CFDP1: variants seen among roughly 807,000 people sequenced by gnomAD.
CFDP1 encodes the protein chromatin remodeling protein CFDP1, also known as heterochromatin-stabilizing protein CFDP1.
In CFDP1, 31 loss-of-function variants were observed where a neutral mutation model predicts 40.1. The observed-to-expected ratio is 0.77, with a 90% CI of 0.58 to 1.04. The LOEUF is 1.04. Ranked by LOEUF, CFDP1 falls within the 50% of genes least tolerant of loss-of-function variation. The pLI is 0.00. For missense variants in CFDP1, 423 were observed against 343.4 expected (o/e 1.23, Z -1.83); for synonymous variants, 167 against 120.0 (o/e 1.39, Z -2.56).
intron 5 of CFDP1, among the ~76,000 whole-genome samples, chr16:75,373,775 G>A (rs539548661): frequency 2.8e-4 from 42 of 152,228 alleles, no homozygotes; most frequent in Non-Finnish European, 4.9e-4. Flanking sequence ...CTTTACAAGG[G>A]AAGCCTTGAC....
intron 5 of CFDP1, among the ~76,000 whole-genome samples, chr16:75,328,928 C>T (rs1597334729): frequency 1.3e-5 from 2 of 151,048 alleles, no homozygotes; most frequent in East Asian, 3.9e-4. Flanking sequence ...CTCACTGGAA[C>T]CTCCACCTCC....
At chr16:75,391,332 C>T (rs2078948576) in intron 5 of CFDP1, 1 of 152,148 alleles carries the variant, frequency 6.6e-6, no homozygotes. Flanking sequence ...AACTTCATAG[C>T]AATACTTTCA....
At chr16:75,361,258 G>A (rs576710677) in intron 5 of CFDP1, among the ~76,000 whole-genome samples, 2 of 152,196 alleles carry the variant, frequency 1.3e-5, no homozygotes, top group African/African-American at 2.4e-5. Flanking sequence ...TGATCCACCC[G>A]CCACAGTCTC....
intron 4 of CFDP1, among the ~76,000 whole-genome samples, chr16:75,403,930 G>C (rs1345423230): frequency 6.6e-6 from 1 of 151,942 alleles, no homozygotes; most frequent in Non-Finnish European, 1.5e-5. Flanking sequence ...TCAGGAGTTG[G>C]AGACCAGCCT....
At chr16:75,330,726 T>C (rs1028347108) in intron 5 of CFDP1, among the ~76,000 whole-genome samples, 1 of 152,194 alleles carries the variant, frequency 6.6e-6, no homozygotes, top group African/African-American at 2.4e-5. Flanking sequence ...CTCTTTTCCA[T>C]TGGAAAAGCT....
chr16:75,366,866 T>TA (rs2078717669), intron 5 of CFDP1, among the ~76,000 whole-genome samples: 1 of 151,382 alleles, frequency 6.6e-6, no homozygotes, highest in South Asian at 2.1e-4. Context: ...GTTACCACTT[T>TA]AAAAAATTTA....
chr16:75,350,956 A>G lies in CFDP1; in HGVS notation c.650+44134T>C, dbSNP rs374750173. On this transcript the variant is annotated intron_variant, in intron 5 of 6. Coordinates refer to ENST00000283882, the MANE Select transcript of CFDP1 (RefSeq NM_006324.3). ...CTTCAAGTGACTTTAGAACACAGAA[A>G]TTTGACTATACATTTCTAGTGAGAT... Among the ~76,000 whole-genome samples, 20 of 152,316 alleles carry G rather than the reference A, an allele frequency of 1.3e-4. 3 individuals carry two copies. The highest frequency in any genetic ancestry group is 6.5e-4 in the Admixed American group (10 of 15,302).
chr16:75,356,240 G>C (rs1221375126), intron 5 of CFDP1, among the ~76,000 whole-genome samples: 1 of 152,110 alleles, frequency 6.6e-6, no homozygotes, highest in Non-Finnish European at 1.5e-5. Flanking sequence ...CAGCTTGTCA[G>C]GAGTGAAAAT....
chr16:75,418,252 CAAAAAAAA>C (rs34789992), intron 1 of CFDP1, among the ~76,000 whole-genome samples: 2 of 57,010 alleles, frequency 3.5e-5, no homozygotes, highest in Non-Finnish European at 6.0e-5. Context: ...AACTCTGTCT[CAAAAAAAA>C]AAAAAAAAAA....
intron 5 of CFDP1, among the ~76,000 whole-genome samples, chr16:75,356,004 T>C (rs2151528966): frequency 6.6e-6 from 1 of 152,348 alleles, no homozygotes; most frequent in East Asian, 1.9e-4. Context: ...ACTGAAGTCT[T>C]GAATCCCTCA....
intron 1 of CFDP1, among the ~76,000 whole-genome samples, chr16:75,422,406 T>TC (rs1289174780): frequency 6.8e-6 from 1 of 147,348 alleles, no homozygotes; most frequent in Non-Finnish European, 1.5e-5. Context: ...CTTTTTTTTT[T>TC]TTTTTTTTTT....
intron 5 of CFDP1, among the ~76,000 whole-genome samples, chr16:75,351,656 G>C (rs1040697948): frequency 1.3e-5 from 2 of 152,108 alleles, no homozygotes; most frequent in African/African-American, 4.8e-5. Context: ...AATCAATTTT[G>C]AAAATGAAAG....
At position 75,433,434 on chromosome 16, in the gene CFDP1, A is replaced by C. The variant is rs2079451864; in HGVS notation, c.-82T>G. ...GCAAAGCTCTAGGGAGAGACCATAG[A>C]GCCCCGGCGGCGGCGACGGCAGCTA... On this transcript the variant is annotated 5_prime_UTR_variant, in exon 1 of 7. Transcript: ENST00000283882. The C allele has an allele frequency of 2.8e-6, 4 of 1,424,208 alleles. No homozygotes were observed. Among genetic ancestry groups the C allele is most frequent in the Non-Finnish European group, 3.8e-6 (4 of 1,042,922 alleles). The allele number at this position is 1,424,208 out of a possible 1,614,324, so 88.2% of individuals were successfully genotyped here.
chr16:75,332,428 G>A (rs1052482666), intron 5 of CFDP1, among the ~76,000 whole-genome samples: 2 of 151,996 alleles, frequency 1.3e-5, no homozygotes, highest in African/African-American at 4.8e-5. Context: ...TTGTGCCACT[G>A]CACTCCAGCC....
At chr16:75,336,042 G>A (rs2078485798) in intron 5 of CFDP1, among the ~76,000 whole-genome samples, 1 of 152,088 alleles carries the variant, frequency 6.6e-6, no homozygotes, top group African/African-American at 2.4e-5. Flanking sequence ...ATTAATATAA[G>A]CCTCCCCCAA....
intron 5 of CFDP1, among the ~76,000 whole-genome samples, chr16:75,348,783 AG>A (rs1490737748): frequency 2.6e-5 from 4 of 152,208 alleles, no homozygotes; most frequent in African/African-American, 9.6e-5. Context: ...AGTATTTTGT[AG>A]ATTTCAGCAT....
intron 5 of CFDP1, among the ~76,000 whole-genome samples, chr16:75,385,830 ATCT>A (rs1420284099): frequency 6.6e-6 from 1 of 152,212 alleles, no homozygotes; most frequent in Non-Finnish European, 1.5e-5. Flanking sequence ...TATCATAATC[ATCT>A]TCTTAAATGA....
chr16:75,427,408 G>A (rs547388693), intron 1 of CFDP1, among the ~76,000 whole-genome samples: 283 of 152,016 alleles, frequency 1.9e-3, no homozygotes, highest in African/African-American at 6.5e-3. Flanking sequence ...GCACCACCAT[G>A]CCCGGCTAAT....
intron 2 of CFDP1, 23 bp downstream of exon 2, chr16:75,414,555 A>C: frequency 7.0e-7 from 1 of 1,425,022 alleles, no homozygotes; most frequent in Non-Finnish European, 9.9e-7. Context: ...CCTAACTTCT[A>C]AGGGCCTTGA....
Sources: gnomAD v4.1 joint callset for allele counts (sites outside exome capture counted in the v4.1 genomes callset) on GRCh38, gnomAD v4.1.1 for gene constraint, MANE v1.5 for transcripts, NCBI Gene and HGNC (gene_info 2026-07-23, HGNC 2026-07-21) for gene names.